Variants in C2CD3 observed in about 807,000 individuals in gnomAD.
The protein encoded by C2CD3 is C2 domain containing 3 centriole elongation regulator.
In C2CD3, 148 loss-of-function variants were observed where a neutral mutation model predicts 234.0. The ratio of observed to expected loss-of-function variants is 0.63; its 90% CI spans 0.55 to 0.72. C2CD3 has a LOEUF of 0.72. Ranked by LOEUF, C2CD3 falls within the 30% of genes least tolerant of loss-of-function variation. C2CD3 has a pLI of 0.00. For missense variants in C2CD3, 2,577 were observed against 2,811.5 expected (o/e 0.92, Z 1.89); for synonymous variants, 1,000 against 1,035.4 (o/e 0.97, Z 0.66).
intron 3 of C2CD3, among the ~76,000 whole-genome samples, chr11:74,146,103 A>G (rs1470434200): frequency 6.6e-6 from 1 of 152,240 alleles, no homozygotes; most frequent in Non-Finnish European, 1.5e-5. Flanking sequence ...AATAAACAGA[A>G]AGTACACATT....
intron 5 of C2CD3, among the ~76,000 whole-genome samples, chr11:74,137,349 G>C (rs1037789934): frequency 2.0e-5 from 3 of 151,904 alleles, no homozygotes; most frequent in Non-Finnish European, 4.4e-5. Context: ...ACCTAGAAGA[G>C]CGCCAGACAT....
At chr11:74,096,683 T>C (rs989397454) in intron 16 of C2CD3, among the ~76,000 whole-genome samples, 1 of 152,166 alleles carries the variant, frequency 6.6e-6, no homozygotes, top group Admixed American at 6.5e-5. Flanking sequence ...GAGAAACATT[T>C]TCTAACCTTT....
chr11:74,169,919 C>A (rs760209353), intron 1 of C2CD3, among the ~76,000 whole-genome samples: 1 of 152,204 alleles, frequency 6.6e-6, no homozygotes, highest in African/African-American at 2.4e-5. Context: ...CCCAATACTT[C>A]TTTTCTCGCT....
At chr11:74,107,298 C>T (rs1956561298) in intron 12 of C2CD3, among the ~76,000 whole-genome samples, 1 of 147,988 alleles carries the variant, frequency 6.8e-6, no homozygotes, top group South Asian at 2.1e-4. Context: ...GCACTCCAGC[C>T]TGGGCAACAA....
chr11:74,046,894 A>C (rs1383851047), intron 28 of C2CD3, among the ~76,000 whole-genome samples: 1 of 152,246 alleles, frequency 6.6e-6, no homozygotes, highest in Non-Finnish European at 1.5e-5. Context: ...TATTAGTAAT[A>C]AAACCTCTCT....
chr11:74,159,100 C>T (rs961749196), intron 3 of C2CD3, among the ~76,000 whole-genome samples: 12 of 152,158 alleles, frequency 7.9e-5, no homozygotes, highest in African/African-American at 2.4e-4. Context: ...AAATTCCTAT[C>T]GCCTAGTGAC....
intron 19 of C2CD3, among the ~76,000 whole-genome samples, chr11:74,091,836 A>G (rs1310028996): frequency 2.0e-5 from 3 of 152,192 alleles, no homozygotes; most frequent in Admixed American, 6.5e-5. Flanking sequence ...ACATTTACAT[A>G]GACTCCATGG....
chr11:74,021,346 T>A (rs1056790925), intron 32 of C2CD3, among the ~76,000 whole-genome samples: 3 of 152,216 alleles, frequency 2.0e-5, no homozygotes, highest in African/African-American at 7.2e-5. Context: ...GAAATGGATT[T>A]GGGAATAAAA....
At chr11:74,097,832 TA>T (rs796743884) in intron 16 of C2CD3, among the ~76,000 whole-genome samples, 176 bp downstream of exon 16, 11 of 152,370 alleles carry the variant, frequency 7.2e-5, no homozygotes, top group African/African-American at 2.4e-4. Flanking sequence ...GAGATCCATT[TA>T]AATCATAACA....
chr11:74,113,552 C>T (rs1255713646), intron 11 of C2CD3: 16 of 485,332 alleles, frequency 3.3e-5, no homozygotes, highest in African/African-American at 5.9e-5. Context: ...TGGTGGCATA[C>T]GCCTGTAATC....
intron 9 of C2CD3, among the ~76,000 whole-genome samples, chr11:74,116,071 C>A (rs1433481543): frequency 6.6e-6 from 1 of 152,084 alleles, no homozygotes; most frequent in Non-Finnish European, 1.5e-5. Flanking sequence ...TAGACAAAGA[C>A]TTCATATCCA....
chr11:74,094,807 T>C (rs781038002), intron 17 of C2CD3, among the ~76,000 whole-genome samples: 2 of 152,206 alleles, frequency 1.3e-5, no homozygotes, highest in Non-Finnish European at 2.9e-5. Context: ...GAGATATGTA[T>C]ATGTACATAT....
In C2CD3 at chr11:74,116,887, C is replaced by T. The variant is rs1483412698; in HGVS notation, c.1520+1341G>A. Among the ~76,000 whole-genome samples, 5 of 111,494 alleles carry T rather than the reference C, an allele frequency of 4.5e-5. No homozygotes were observed. The East Asian group carries it at 8.9e-4, about 20-fold the overall frequency. 73.1% of individuals were successfully genotyped at this position (111,494 alleles called of 152,430 possible). A position where few individuals can be genotyped will look rare whatever the true frequency, so the allele number is the denominator to read the frequency against. On this transcript the variant is annotated intron_variant, in intron 9 of 32. Transcript: ENST00000334126. ...ACACGTGTATATGTATATATACACACGTGTATATATACACACGTGTATGTA... is the reference window on the plus strand; with the variant it reads ...ACACGTGTATATGTATATATACACATGTGTATATATACACACGTGTATGTA...
chr11:74,088,279 T>G (rs1955736676), intron 20 of C2CD3, among the ~76,000 whole-genome samples: 1 of 152,194 alleles, frequency 6.6e-6, no homozygotes, highest in African/African-American at 2.4e-5. Context: ...GTATTTAAAA[T>G]TTCCATTTCA....
chr11:74,059,729 C>T (rs572043234), intron 24 of C2CD3, among the ~76,000 whole-genome samples: 39 of 152,268 alleles, frequency 2.6e-4, no homozygotes, highest in African/African-American at 8.2e-4. Flanking sequence ...ACGCAGAAGA[C>T]GGTTGATTTC....
intron 18 of C2CD3, 106 bp downstream of exon 18, chr11:74,093,710 C>T: frequency 1.3e-6 from 1 of 780,426 alleles, no homozygotes; most frequent in Non-Finnish European, 2.0e-6. Context: ...GCTGAAGAGG[C>T]TGCTTAGCTT....
At chr11:74,146,998 C>T (rs1318410074) in intron 3 of C2CD3, among the ~76,000 whole-genome samples, 1 of 151,864 alleles carries the variant, frequency 6.6e-6, no homozygotes, top group Non-Finnish European at 1.5e-5. Flanking sequence ...TTGCAGTGAG[C>T]CGAGATCGTG....
At position 74,139,621 on chromosome 11, in the gene C2CD3, T is replaced by C. The variant is rs1339133427; in HGVS notation, c.691A>G (p.Arg231Gly). ...GGTAATTACCTCGGAGTGGTTGATCTACTGCTGTTGGCTGCTAACTCTTTT... is the reference window on the plus strand; with the variant it reads ...GGTAATTACCTCGGAGTGGTTGATCCACTGCTGTTGGCTGCTAACTCTTTT... Reference protein sequence around the residue: ...DGKELAANSSRSTTPRGKDHV... With the variant: ...DGKELAANSSGSTTPRGKDHV... Residue 231 changes from arginine (R) to glycine (G), a missense_variant, in exon 4 of 33, where the codon AGA (arginine) becomes GGA (glycine). Physicochemically the swap from Arg to Gly is moderately radical, Grantham distance 125 (BLOSUM62 -2). Coordinates refer to ENST00000334126, the MANE Select transcript of C2CD3 (RefSeq NM_001286577.2). 5 of 1,612,746 alleles carry C rather than the reference T, an allele frequency of 3.1e-6. No individual in the cohort carries two copies. The highest frequency in any genetic ancestry group is 4.2e-6 in the Non-Finnish European group (5 of 1,178,850).
In C2CD3 at chr11:74,098,243, A is replaced by G. The variant is rs1441229890; in HGVS notation, c.2745T>C (p.Ile915=). 6.2e-7 allele frequency: 1 copy of G among 1,614,120 alleles called. No homozygotes were observed. The highest frequency in any genetic ancestry group is 8.5e-7 in the Non-Finnish European group (1 of 1,179,968). Residue 915 remains isoleucine (I), a synonymous_variant, in exon 16 of 33, where the codon ATT becomes ATC. Coordinates refer to ENST00000334126, the MANE Select transcript of C2CD3 (RefSeq NM_001286577.2). ...QFYMSFKDAK[I]SRLLLDAQYP... ...ACTGGGCATCCAGCAGCAGGCGAGAAATCTTAGCATCTCTAGAGGGGGAGA... is the reference window on the plus strand; with the variant it reads ...ACTGGGCATCCAGCAGCAGGCGAGAGATCTTAGCATCTCTAGAGGGGGAGA...
Sources: allele counts gnomAD v4.1 joint callset (sites outside exome capture counted in the v4.1 genomes callset), GRCh38; gene constraint gnomAD v4.1.1; transcripts MANE v1.5; gene names NCBI Gene and HGNC (gene_info 2026-07-23, HGNC 2026-07-21).